The following SP110 variants were observed in gnomAD, a reference collection of about 807,000 sequenced individuals.
SP110 encodes the protein interferon-induced protein 41, 30kD.
A neutral mutation model predicts 92.7 loss-of-function variants in SP110; 62 were observed. The ratio of observed to expected loss-of-function variants is 0.67; its 90% CI spans 0.55 to 0.83. The LOEUF (loss-of-function observed/expected upper bound fraction) is 0.83, where lower values mean the gene tolerates loss of function less well. SP110 is among the 40% of genes least tolerant of loss of function. The probability of loss-of-function intolerance (pLI) is 0.00; values close to 1 mark genes in which losing one functional copy is unlikely to be tolerated. For missense variants in SP110, 793 were observed against 863.9 expected (o/e 0.92, Z 1.03); for synonymous variants, 273 against 305.3 (o/e 0.89, Z 1.10).
chr2:230,170,826 A>T, intron 17 of SP110, 65 bp from the exon 18 acceptor site: 2 of 1,512,940 alleles, frequency 1.3e-6, no homozygotes, highest in Non-Finnish European at 1.8e-6. Context: ...GATCCAACTT[A>T]AATACAATCC....
intron 10 of SP110, among the ~76,000 whole-genome samples, chr2:230,194,493 G>A (rs2042775826): frequency 6.8e-6 from 1 of 147,014 alleles, no homozygotes; most frequent in African/African-American, 2.5e-5. Flanking sequence ...GGAACAGAAA[G>A]GGAAGAGGGA....
intron 17 of SP110, chr2:230,171,013 G>C (rs13010998): frequency 0.1 from 56,730 of 566,482 alleles, 3,249 homozygotes; most frequent in Non-Finnish European, 0.12. Context: ...GAGGGATGGA[G>C]AGGTCAAGGA....
At chr2:230,180,395 A>G (rs993362410) in intron 12 of SP110, among the ~76,000 whole-genome samples, 2 of 135,446 alleles carry the variant, frequency 1.5e-5, no homozygotes, top group Non-Finnish European at 3.1e-5. Context: ...TGGGAGCTCT[A>G]TGATGTATAC....
rs1408735739 is a variant in SP110 at position 230,214,906 on chromosome 2, T to C, written c.316+44A>G. On this transcript the variant is annotated intron_variant, in intron 3 of 18. Coordinates refer to ENST00000258381, the MANE Select transcript of SP110 (RefSeq NM_080424.4). ...TAGAAGTAAACCCAGACTTTTACCA[T>C]AGCAACTTTTTAAATGCAAAAAGCA... The C allele has an allele frequency of 3.9e-6, 6 of 1,551,882 alleles. No homozygotes were observed. The African/African-American group carries it at 4.1e-5, about 11-fold the overall frequency.
At chr2:230,175,942 A>ATTTTTTTTT (rs769329922) in intron 14 of SP110, among the ~76,000 whole-genome samples, 1 of 97,534 alleles carries the variant, frequency 1.0e-5, no homozygotes, top group Non-Finnish European at 2.5e-5. Context: ...ATGCTGCAGC[A>ATTTTTTTTT]TTCTTTTTTT....
upstream of SP110, chr2:230,220,159 T>G (rs1401463610): frequency 6.1e-6 from 5 of 817,184 alleles, no homozygotes. Context: ...GGGGAGGGCG[T>G]GTTGCCAGTT....
intron 10 of SP110, among the ~76,000 whole-genome samples, chr2:230,192,907 G>A (rs1194920396): frequency 2.0e-5 from 3 of 151,772 alleles, no homozygotes; most frequent in Non-Finnish European, 4.4e-5. Context: ...TTTCTTTTTT[G>A]ACTTTCTGTC....
In SP110 at chr2:230,168,107, T is replaced by TAAAAA. The variant is rs2078339249; in HGVS notation, c.*1016_*1017insTTTTT. The TAAAAA allele has an allele frequency of 7.3e-5, 1 of 13,696 alleles. No individual in the cohort carries two copies. The highest frequency in any genetic ancestry group is 1.6e-4 in the Non-Finnish European group (1 of 6,062). 0.8% of individuals were successfully genotyped at this position (13,696 alleles called of 1,614,324 possible). The stretch of plus-strand genomic sequence containing the variant: ...CTGGGTGACAGAGTGAGACTCTGTC[T>TAAAAA]CAAAAAAAAAAAAAAAAAAAAAAAA... On this transcript the variant is annotated 3_prime_UTR_variant, in exon 19 of 19. Coordinates refer to ENST00000258381, the MANE Select transcript of SP110 (RefSeq NM_080424.4).
chr2:230,169,072 T>A lies in SP110; in HGVS notation c.*52A>T. ...TGGCAATCAACAGTCCAAGCCAGGG[T>A]CCCATCAGCTGAATCCTGAGGTGGG... On this transcript the variant is annotated 3_prime_UTR_variant, in exon 19 of 19. Coordinates refer to ENST00000258381, the MANE Select transcript of SP110 (RefSeq NM_080424.4). 1 of 1,206,020 alleles carries A rather than the reference T, an allele frequency of 8.3e-7. No homozygotes were observed. The highest frequency in any genetic ancestry group is 1.2e-6 in the Non-Finnish European group (1 of 808,374). The allele number at this position is 1,206,020 out of a possible 1,614,324, so 74.7% of individuals were successfully genotyped here.
At chr2:230,197,428 A>G (rs1218376976) in intron 10 of SP110, among the ~76,000 whole-genome samples, 4 of 151,362 alleles carry the variant, frequency 2.6e-5, no homozygotes, top group Non-Finnish European at 5.9e-5. Flanking sequence ...AGTTAATTGT[A>G]GATTCTGGAT....
intron 12 of SP110, among the ~76,000 whole-genome samples, chr2:230,179,340 G>A (rs2042017950): frequency 6.6e-6 from 1 of 152,072 alleles, no homozygotes; most frequent in African/African-American, 2.4e-5. Flanking sequence ...AGGGTAGTGG[G>A]GGTGTGGGAA....
chr2:230,166,076 T>A lies in SP110; in HGVS notation c.*3048A>T, dbSNP rs531798206. Among the ~76,000 whole-genome samples, 5 of 152,222 alleles carry A rather than the reference T, an allele frequency of 3.3e-5. No homozygotes were observed. The South Asian group carries it at 1.0e-3, about 32-fold the overall frequency. On this transcript the variant is annotated 3_prime_UTR_variant, in exon 19 of 19. Coordinates refer to ENST00000258381, the MANE Select transcript of SP110 (RefSeq NM_080424.4). ...GCCTGGCTAATTTTTGTATTTTTAG[T>A]AGAGACGGGGTTTCACCACGTTGGT...
At position 230,178,275 on chromosome 2, in the gene SP110, G is replaced by A; in HGVS notation, c.1349-20C>T. On this transcript the variant is annotated intron_variant, in intron 12 of 18. Transcript: ENST00000258381. ...GTTTTCCTTAAAGTAGAAGAGAACA[G>A]TTTTGTGTTATTCAGTCTTCACTCC... 1.4e-6 allele frequency: 2 copies of A among 1,437,910 alleles called. No individual in the cohort carries two copies. Among genetic ancestry groups the A allele is most frequent in the Non-Finnish European group, 2.0e-6 (2 of 1,022,860 alleles). The allele number at this position is 1,437,910 out of a possible 1,614,324, so 89.1% of individuals were successfully genotyped here. A position where few individuals can be genotyped will look rare whatever the true frequency, so the allele number is the denominator to read the frequency against.
upstream of SP110, among the ~76,000 whole-genome samples, chr2:230,223,271 G>A (rs1292092264): frequency 6.6e-6 from 1 of 152,046 alleles, no homozygotes; most frequent in East Asian, 1.9e-4. Flanking sequence ...TCCTGACCTC[G>A]TGATCTGCCT....
intron 10 of SP110, among the ~76,000 whole-genome samples, chr2:230,199,130 A>G (rs1377453054): frequency 7.9e-6 from 1 of 126,688 alleles, no homozygotes; most frequent in African/African-American, 3.7e-5. Context: ...TTTAGCTACT[A>G]TTATTATTAT....
chr2:230,210,936 G>A (rs750350935), intron 6 of SP110, among the ~76,000 whole-genome samples: 18 of 152,214 alleles, frequency 1.2e-4, no homozygotes, highest in Non-Finnish European at 8.8e-5. Context: ...TCAGGTGGGG[G>A]CTTGGAAGGA....
chr2:230,203,132 A>T (rs2043348307), intron 8 of SP110: 1 of 229,882 alleles, frequency 4.4e-6, no homozygotes, highest in Non-Finnish European at 8.7e-6. Context: ...AGAGATTTCC[A>T]AAAGTTTCTA....
rs1315778882 is a variant in SP110, at chr2:230,168,128, A to AG, written c.*995_*996insC. ...TGTCTCAAAAAAAAAAAAAAAAAAA[A>AG]AAAAAGAAAAAGTGGGCAACTCAAG... is the stretch of plus-strand genomic sequence containing the variant. On this transcript the variant is annotated 3_prime_UTR_variant, in exon 19 of 19. Transcript: ENST00000258381. 6.9e-6 allele frequency: 1 copy of AG among 144,490 alleles called. No homozygotes were observed. Among genetic ancestry groups the AG allele is most frequent in the Non-Finnish European group, 1.5e-5 (1 of 65,496 alleles). 9.0% of individuals were successfully genotyped at this position (144,490 alleles called of 1,614,324 possible).
chr2:230,199,434 C>G (rs2043033721), intron 10 of SP110, among the ~76,000 whole-genome samples: 1 of 151,762 alleles, frequency 6.6e-6, no homozygotes, highest in Non-Finnish European at 1.5e-5. Flanking sequence ...GTCTCGAACT[C>G]CTGGCCTCAA....
Sources: gnomAD v4.1 joint callset for allele counts (sites outside exome capture counted in the v4.1 genomes callset) on GRCh38, gnomAD v4.1.1 for gene constraint, MANE v1.5 for transcripts, NCBI Gene and HGNC (gene_info 2026-07-23, HGNC 2026-07-21) for gene names.